DOCK3: variants seen among roughly 807,000 people sequenced by gnomAD.
DOCK3 encodes dedicator of cytokinesis protein 3.
DOCK3 carries 60 observed loss-of-function variants against 265.6 expected under a neutral mutation model. The ratio of observed to expected loss-of-function variants is 0.23; its 90% confidence interval spans 0.18 to 0.28. The LOEUF (loss-of-function observed/expected upper bound fraction) is 0.28, where lower values mean the gene tolerates loss of function less well. Among genes scored for constraint, DOCK3 ranks in the 10% least tolerant of loss-of-function variants. The probability of loss-of-function intolerance (pLI) is 1.00; values close to 1 mark genes in which losing one functional copy is unlikely to be tolerated. For missense variants in DOCK3, 1,981 were observed against 2,594.3 expected, an observed-to-expected ratio of 0.76 and a Z score of 5.14; for synonymous variants, 881 against 938.0, an observed-to-expected ratio of 0.94 and a Z score of 1.11.
At chr3:51,033,292 A>G (rs1227440412) in intron 5 of DOCK3, among the ~76,000 whole-genome samples, 2 of 152,186 alleles carry the variant, frequency 1.3e-5, no homozygotes, top group African/African-American at 4.8e-5. Context: ...CAATCTCATA[A>G]TAAGCAGATG....
intron 27 of DOCK3, among the ~76,000 whole-genome samples, chr3:51,297,357 G>A (rs554576213): frequency 6.6e-6 from 1 of 152,120 alleles, no homozygotes; most frequent in South Asian, 2.1e-4. Context: ...ATCACACAAA[G>A]TTAAAAATTT....
intron 1 of DOCK3, among the ~76,000 whole-genome samples, chr3:50,772,665 G>T (rs902938853): frequency 1.3e-5 from 2 of 151,856 alleles, no homozygotes; most frequent in African/African-American, 4.8e-5. Context: ...ATCTCAAAAA[G>T]AAATCAAGAA....
At chr3:51,113,882 A>G (rs1246682132) in intron 9 of DOCK3, among the ~76,000 whole-genome samples, 1 of 152,084 alleles carries the variant, frequency 6.6e-6, no homozygotes, top group African/African-American at 2.4e-5. Context: ...GAGGCTAAGG[A>G]GGGAGGATCA....
chr3:50,712,049 G>A (rs1446809664), intron 1 of DOCK3, among the ~76,000 whole-genome samples: 1 of 151,832 alleles, frequency 6.6e-6, no homozygotes, highest in African/African-American at 2.4e-5. Context: ...AGTAATTTAA[G>A]TCTTTTAAAA....
chr3:51,324,676 G>A (rs999730554), intron 32 of DOCK3, among the ~76,000 whole-genome samples: 2 of 152,130 alleles, frequency 1.3e-5, no homozygotes, highest in African/African-American at 2.4e-5. Context: ...ATACTACAAG[G>A]CTACGGTAAC....
intron 2 of DOCK3, among the ~76,000 whole-genome samples, chr3:50,784,610 AT>A (rs1293721491): frequency 6.6e-6 from 1 of 152,098 alleles, no homozygotes; most frequent in African/African-American, 2.4e-5. Context: ...CAGTGTGTTC[AT>A]TTTCACAATA....
intron 1 of DOCK3, among the ~76,000 whole-genome samples, chr3:50,723,208 A>G (rs1302267636): frequency 2.0e-5 from 3 of 152,198 alleles, no homozygotes; most frequent in Non-Finnish European, 4.4e-5. Context: ...GAAGCAGTCT[A>G]TACACAGGTC....
intron 5 of DOCK3, among the ~76,000 whole-genome samples, chr3:50,997,486 T>A (rs1258179794): frequency 1.3e-5 from 2 of 152,146 alleles, no homozygotes; most frequent in Non-Finnish European, 2.9e-5. Context: ...AGAGGCACAC[T>A]CCAAAAATAG....
intron 41 of DOCK3, among the ~76,000 whole-genome samples, chr3:51,355,309 G>C (rs1034670676): frequency 2.8e-4 from 43 of 152,180 alleles, no homozygotes; most frequent in African/African-American, 1.0e-3. Flanking sequence ...TCCTCACCCT[G>C]CCCTATGAGG....
chr3:50,815,999 AG>A (rs2044051347), intron 2 of DOCK3, among the ~76,000 whole-genome samples: 1 of 152,144 alleles, frequency 6.6e-6, no homozygotes, highest in African/African-American at 2.4e-5. Flanking sequence ...TGACTCAGGT[AG>A]GCTGGAATCT....
chr3:51,103,109 T>A (rs1316610337), intron 9 of DOCK3, among the ~76,000 whole-genome samples: 1 of 152,212 alleles, frequency 6.6e-6, no homozygotes, highest in East Asian at 1.9e-4. Context: ...CTTGTTGCTA[T>A]TAAGTTTTGA....
At chr3:51,005,904 G>A (rs751114622) in intron 5 of DOCK3, among the ~76,000 whole-genome samples, 4 of 152,170 alleles carry the variant, frequency 2.6e-5, no homozygotes, top group Non-Finnish European at 5.9e-5. Flanking sequence ...CTAACCCAGA[G>A]TAGAAGCAGA....
chr3:51,045,587 T>A (rs1487483922), intron 5 of DOCK3, among the ~76,000 whole-genome samples: 1 of 152,146 alleles, frequency 6.6e-6, no homozygotes, highest in Non-Finnish European at 1.5e-5. Flanking sequence ...AACCGTAATA[T>A]CTGTGAAGCT....
chr3:51,314,919 T>C (rs2083285140), intron 31 of DOCK3, 61 bp from the exon 32 acceptor site: 4 of 1,510,488 alleles, frequency 2.6e-6, no homozygotes, highest in Non-Finnish European at 1.8e-6. Flanking sequence ...GTGGCCCCAT[T>C]TGGGAATCTT....
Position 50,910,838 on chromosome 3 carries a change from A to G in DOCK3, c.218+20757A>G, listed in dbSNP as rs115192708. ...TATCTCTTCAATGCTTCTTTCCTTG[A>G]TATCATGTTAAAACCAGGTGCTCTG... On this transcript the variant is annotated intron_variant, in intron 4 of 52. Coordinates refer to ENST00000266037, the MANE Select transcript of DOCK3 (RefSeq NM_004947.5). Among the ~76,000 whole-genome samples, 115 of 152,174 alleles carry G rather than the reference A, an allele frequency of 7.6e-4. 2 individuals carry two copies. Among genetic ancestry groups the G allele is most frequent in the African/African-American group, 2.7e-3 (114 of 41,470 alleles).
intron 1 of DOCK3, among the ~76,000 whole-genome samples, chr3:50,711,514 A>T (rs2036768541): frequency 6.6e-6 from 1 of 152,014 alleles, no homozygotes; most frequent in Non-Finnish European, 1.5e-5. Flanking sequence ...CACCCTCCTT[A>T]GCCTCCCAAA....
intron 26 of DOCK3, chr3:51,278,276 G>C: frequency 1.0e-6 from 1 of 985,352 alleles, no homozygotes; most frequent in Non-Finnish European, 1.2e-6. Context: ...CGATTTTTCT[G>C]TGATCTAATT....
chr3:51,200,908 C>T (rs903559831), intron 12 of DOCK3, among the ~76,000 whole-genome samples: 54 of 152,240 alleles, frequency 3.5e-4, no homozygotes, highest in Admixed American at 2.7e-3. Context: ...CCACAAATTT[C>T]ATATGCAGCC....
intron 9 of DOCK3, among the ~76,000 whole-genome samples, chr3:51,137,275 G>T (rs2084849318): frequency 6.6e-6 from 1 of 152,004 alleles, no homozygotes; most frequent in South Asian, 2.1e-4. Context: ...ATAACCTTGG[G>T]GCTACTTGCT....
Sources: allele counts gnomAD v4.1 joint callset (sites outside exome capture counted in the v4.1 genomes callset), GRCh38; gene constraint gnomAD v4.1.1; transcripts MANE v1.5; gene names NCBI Gene and HGNC (gene_info 2026-07-23, HGNC 2026-07-21).